The following PHF24 variants were observed in gnomAD, a reference collection of about 807,000 sequenced individuals.
The protein encoded by PHF24 is PHD finger protein 24, also known as Galpha inhibitory interacting protein.
Under a neutral mutation model 42.6 loss-of-function variants are expected in PHF24, and 25 were observed. That is an observed-to-expected ratio of 0.59 (90% CI 0.43 to 0.82). The LOEUF is 0.82. Ranked by LOEUF, PHF24 falls within the 40% of genes least tolerant of loss-of-function variation. The pLI is 0.00. For missense variants in PHF24, 470 were observed against 538.1 expected (o/e 0.87, Z 1.25); for synonymous variants, 185 against 204.8 (o/e 0.90, Z 0.83).
chr9:34,702,035 G>A, the PHF24 span, among the ~76,000 whole-genome samples: 1 of 152,136 alleles, frequency 6.6e-6, no homozygotes, highest in Non-Finnish European at 1.5e-5. Context: ...GCTAAGAAAG[G>A]TTTCCTTATT....
At chr9:34,876,312 A>C in the PHF24 span, among the ~76,000 whole-genome samples, 1 of 152,236 alleles carries the variant, frequency 6.6e-6, no homozygotes, top group African/African-American at 2.4e-5. Flanking sequence ...AATATGACTC[A>C]GCATTAAAAA....
chr9:34,852,328 C>T, the PHF24 span, among the ~76,000 whole-genome samples: 1 of 152,124 alleles, frequency 6.6e-6, no homozygotes, highest in Admixed American at 6.6e-5. Flanking sequence ...TGCAGATTTT[C>T]AACTGCATGG....
the PHF24 span, among the ~76,000 whole-genome samples, chr9:34,818,684 G>T: frequency 6.6e-6 from 1 of 152,100 alleles, no homozygotes; most frequent in Non-Finnish European, 1.5e-5. Context: ...CTTTGCCCAG[G>T]CACACTGGCT....
At chr9:34,846,269 C>T in the PHF24 span, among the ~76,000 whole-genome samples, 399 of 152,168 alleles carry the variant, frequency 2.6e-3, no homozygotes, top group Admixed American at 5.8e-3. Context: ...CTGTTTTTCC[C>T]GACTTTTTAA....
the PHF24 span, among the ~76,000 whole-genome samples, chr9:34,793,070 TA>T: frequency 1.3e-5 from 2 of 152,142 alleles, no homozygotes; most frequent in African/African-American, 4.8e-5. Context: ...CTAAAAATCA[TA>T]AAAATATTAT....
chr9:34,951,624 C>T, the PHF24 span, among the ~76,000 whole-genome samples: 2 of 152,204 alleles, frequency 1.3e-5, no homozygotes. Flanking sequence ...GAATAGAGCC[C>T]TGCTGATGCC....
At chr9:34,788,420 A>G in the PHF24 span, among the ~76,000 whole-genome samples, 1 of 152,280 alleles carries the variant, frequency 6.6e-6, no homozygotes, top group Non-Finnish European at 1.5e-5. Flanking sequence ...AGAAGTATAG[A>G]GACCTTTCAA....
chr9:34,725,029 C>T, the PHF24 span: 3 of 1,551,926 alleles, frequency 1.9e-6, no homozygotes, highest in East Asian at 2.4e-5. Context: ...GCATCCAGGG[C>T]ATAACTTTGT....
At chr9:34,934,983 G>A in the PHF24 span, among the ~76,000 whole-genome samples, 1 of 152,076 alleles carries the variant, frequency 6.6e-6, no homozygotes, top group African/African-American at 2.4e-5. Context: ...GCCGACCCCT[G>A]AAAGGATGTG....
At chr9:34,930,296 C>T in the PHF24 span, among the ~76,000 whole-genome samples, 2 of 152,116 alleles carry the variant, frequency 1.3e-5, no homozygotes, top group African/African-American at 2.4e-5. Context: ...AGAGAAGGAA[C>T]GTGAGATAAG....
chr9:34,673,623 AT>A, the PHF24 span, among the ~76,000 whole-genome samples: 315 of 132,410 alleles, frequency 2.4e-3, no homozygotes, highest in African/African-American at 3.1e-3. Context: ...AGCCTGGCTA[AT>A]TTTTTTTTTT....
the PHF24 span, among the ~76,000 whole-genome samples, chr9:34,919,691 T>TACACACACACAC: frequency 6.7e-5 from 10 of 148,296 alleles, no homozygotes; most frequent in East Asian, 1.8e-3. Context: ...ACCCAGTAAT[T>TACACACACACAC]ACACACACAC....
At chr9:34,723,568 G>C in the PHF24 span, 1 of 1,551,760 alleles carries the variant, frequency 6.4e-7, no homozygotes, top group Non-Finnish European at 8.7e-7. Context: ...CTTTTGTCTT[G>C]GGGTTAATAT....
chr9:34,918,159 G>T, the PHF24 span: 1 of 1,497,340 alleles, frequency 6.7e-7, no homozygotes, highest in Non-Finnish European at 9.3e-7. Context: ...TCCCTGGACT[G>T]TCGGCCAGGA....
the PHF24 span, among the ~76,000 whole-genome samples, chr9:34,896,913 TG>T: frequency 1.3e-5 from 2 of 152,084 alleles, no homozygotes; most frequent in Non-Finnish European, 2.9e-5. Flanking sequence ...CCCAGCACTT[TG>T]GGAAGCTGAG....
the PHF24 span, chr9:34,889,004 C>T: frequency 3.8e-5 from 15 of 397,944 alleles, no homozygotes; most frequent in African/African-American, 6.2e-5. Flanking sequence ...CTTTTTAGGT[C>T]CTTTACTCTC....
At chr9:34,956,391 C>T (rs1300985501), upstream of PHF24, among the ~76,000 whole-genome samples, 1 of 152,174 alleles carries the variant, frequency 6.6e-6, no homozygotes, top group African/African-American at 2.4e-5. Context: ...TCCCGAGTAG[C>T]TGGGACCACA....
At chr9:34,892,953 G>A in the PHF24 span, 8 of 689,820 alleles carry the variant, frequency 1.2e-5, no homozygotes, top group Admixed American at 4.3e-5. Flanking sequence ...TCCTGACTAT[G>A]CTTAAAAGAC....
At chr9:34,699,486 T>C in the PHF24 span, among the ~76,000 whole-genome samples, 1 of 152,244 alleles carries the variant, frequency 6.6e-6, no homozygotes, top group Non-Finnish European at 1.5e-5. Flanking sequence ...ACAACCCTGC[T>C]CTCACCTCTG....
Sources: allele counts gnomAD v4.1 joint callset (sites outside exome capture counted in the v4.1 genomes callset), GRCh38; gene constraint gnomAD v4.1.1; transcripts MANE v1.5; gene names NCBI Gene and HGNC (gene_info 2026-07-23, HGNC 2026-07-21).